STK3: variants seen among roughly 807,000 people sequenced by gnomAD.
The protein encoded by STK3 is serine/threonine-protein kinase 3.
STK3 carries 41 observed loss-of-function variants against 58.0 expected under a neutral mutation model. The observed-to-expected ratio is 0.71, with a 90% confidence interval of 0.55 to 0.92. The LOEUF is 0.92. STK3 is among the 40% of genes least tolerant of loss of function. The pLI is 0.00. For synonymous variants in STK3, 170 were observed against 191.0 expected (o/e 0.89, Z 0.91); for missense variants, 479 against 602.7 (o/e 0.79, Z 2.15).
chr8:98,675,161 T>C (rs1823106634), intron 6 of STK3, among the ~76,000 whole-genome samples: 1 of 152,200 alleles, frequency 6.6e-6, no homozygotes, highest in African/African-American at 2.4e-5. Flanking sequence ...TGAACAAGGC[T>C]TGTGGAAAAT....
At position 98,799,827 on chromosome 8, in the gene STK3, A is replaced by G. The variant is rs189143727; in HGVS notation, c.27-25008T>C. 8.6e-3 allele frequency among the ~76,000 whole-genome samples: 1,314 copies of G among 152,354 alleles called. 10 individuals carry two copies. The highest frequency in any genetic ancestry group is 0.03 in the African/African-American group (1,238 of 41,584). ...CAAAGGATTTTTCAGACAGTTTTCA[A>G]GAAATAATGAAATCTATCCTTACTC... On this transcript the variant is annotated intron_variant, in intron 1 of 10. Transcript: ENST00000419617.
intron 10 of STK3, among the ~76,000 whole-genome samples, chr8:98,506,610 C>T (rs1586733635): frequency 6.6e-6 from 1 of 152,000 alleles, no homozygotes; most frequent in Non-Finnish European, 1.5e-5. Flanking sequence ...ACTTGGGAGG[C>T]TGAGGCAAGA....
chr8:98,686,841 T>C (rs1824036657), intron 6 of STK3, among the ~76,000 whole-genome samples: 1 of 152,040 alleles, frequency 6.6e-6, no homozygotes, highest in African/African-American at 2.4e-5. Flanking sequence ...TTTCAGAGAT[T>C]GAAGATCAGT....
chr8:98,717,189 T>TA (rs1827084772), intron 4 of STK3, among the ~76,000 whole-genome samples: 1 of 147,826 alleles, frequency 6.8e-6, no homozygotes, highest in Non-Finnish European at 1.5e-5. Context: ...TTCATGAAAA[T>TA]TAAAAAAAAA....
At chr8:98,583,606 C>T in intron 7 of STK3, among the ~76,000 whole-genome samples, 1 of 152,128 alleles carries the variant, frequency 6.6e-6, no homozygotes, top group East Asian at 1.9e-4. Context: ...TCTTCTGTAT[C>T]TCTTGATAAA....
chr8:98,605,949 C>T (rs1178862472), intron 6 of STK3, among the ~76,000 whole-genome samples: 11 of 152,094 alleles, frequency 7.2e-5, no homozygotes, highest in South Asian at 4.2e-4. Flanking sequence ...TGTTTGTGGC[C>T]GGGTGCGGTA....
At chr8:98,675,518 A>G (rs1823135163) in intron 6 of STK3, among the ~76,000 whole-genome samples, 1 of 152,194 alleles carries the variant, frequency 6.6e-6, no homozygotes. Flanking sequence ...GCATGAAATT[A>G]TCATATGATC....
rs534708198 is a variant in STK3, at chr8:98,650,512, A to C, written c.685-54343T>G. Among the ~76,000 whole-genome samples, 3 of 152,358 alleles carry C rather than the reference A, an allele frequency of 2.0e-5. No individual in the cohort carries two copies. In the South Asian group the frequency reaches 6.2e-4, roughly 32 times the overall value. On this transcript the variant is annotated intron_variant, in intron 6 of 10. Coordinates refer to ENST00000419617, the MANE Select transcript of STK3 (RefSeq NM_006281.4). Reference sequence around the variant, plus strand: ...CGCAGGACAGGGGGTGCAGCGCACCATGCGCGAGCCAAAGCAGGGAGAGGT... The same window carrying C: ...CGCAGGACAGGGGGTGCAGCGCACCCTGCGCGAGCCAAAGCAGGGAGAGGT...
chr8:98,867,285 G>T (rs1837179991), intron 3 of STK3, among the ~76,000 whole-genome samples: 3 of 152,132 alleles, frequency 2.0e-5, no homozygotes, highest in Admixed American at 2.0e-4. Flanking sequence ...GCGTGGTGGC[G>T]CATGCCTGTA....
chr8:98,408,019 C>T (rs572838653), intron 3 of STK3, among the ~76,000 whole-genome samples: 1 of 152,320 alleles, frequency 6.6e-6, no homozygotes, highest in South Asian at 2.1e-4. Context: ...ATCGGCTTTG[C>T]AGAGAGCACT....
At chr8:98,867,454 G>A (rs1280208092) in intron 3 of STK3, among the ~76,000 whole-genome samples, 1 of 152,150 alleles carries the variant, frequency 6.6e-6, no homozygotes, top group East Asian at 1.9e-4. Flanking sequence ...TGAGGCTTGG[G>A]ATGTTTATCT....
intron 4 of STK3, among the ~76,000 whole-genome samples, chr8:98,737,750 T>G (rs1458952488): frequency 6.6e-6 from 1 of 152,184 alleles, no homozygotes; most frequent in East Asian, 1.9e-4. Flanking sequence ...CTCTTTCGCC[T>G]AGGCTAGACT....
At chr8:98,658,329 C>G (rs370347433) in intron 6 of STK3, among the ~76,000 whole-genome samples, 1 of 151,998 alleles carries the variant, frequency 6.6e-6, no homozygotes, top group East Asian at 1.9e-4. Context: ...ATGGAGTTAA[C>G]TGAAGAGGGA....
intron 3 of STK3, among the ~76,000 whole-genome samples, chr8:98,837,114 G>A (rs530180433): frequency 1.3e-5 from 2 of 152,010 alleles, no homozygotes; most frequent in African/African-American, 4.8e-5. Context: ...TACCCCCGGA[G>A]GTACCTGGAT....
At chr8:98,641,197 T>A (rs1819990613) in intron 6 of STK3, among the ~76,000 whole-genome samples, 1 of 152,206 alleles carries the variant, frequency 6.6e-6, no homozygotes, top group African/African-American at 2.4e-5. Flanking sequence ...GGTTAATGAA[T>A]CTGCAAAATA....
intron 10 of STK3, among the ~76,000 whole-genome samples, chr8:98,504,765 G>A (rs973522846): frequency 5.3e-5 from 8 of 152,106 alleles, no homozygotes. Flanking sequence ...TTCCACTGTT[G>A]GTCTGATGGG....
chr8:98,412,720 G>C (rs1487713487), intron 3 of STK3, among the ~76,000 whole-genome samples: 1 of 152,164 alleles, frequency 6.6e-6, no homozygotes, highest in Non-Finnish European at 1.5e-5. Context: ...TGATTTTCAG[G>C]TTATAAATGC....
chr8:98,476,714 ATTCATAATTAATTTCAT>A (rs1821340651), intron 10 of STK3, among the ~76,000 whole-genome samples: 1 of 152,210 alleles, frequency 6.6e-6, no homozygotes, highest in Admixed American at 6.5e-5. Flanking sequence ...AATGGTAATT[ATTCATAATTAATTTCAT>A]TTCAAAAACA....
chr8:98,715,374 A>G (rs1346472785), intron 4 of STK3, among the ~76,000 whole-genome samples: 1 of 152,110 alleles, frequency 6.6e-6, no homozygotes, highest in African/African-American at 2.4e-5. Flanking sequence ...AATTTTTGCA[A>G]TCTACTCATC....
Sources: gnomAD v4.1 joint callset for allele counts (sites outside exome capture counted in the v4.1 genomes callset) on GRCh38, gnomAD v4.1.1 for gene constraint, MANE v1.5 for transcripts, NCBI Gene and HGNC (gene_info 2026-07-23, HGNC 2026-07-21) for gene names.